Variants in CCNY observed in about 807,000 individuals in gnomAD.
CCNY encodes the protein cyclin Y.
Under a neutral mutation model 42.8 loss-of-function variants are expected in CCNY, and 19 were observed. That is an observed-to-expected ratio of 0.44 (90% confidence interval 0.31 to 0.65). CCNY has a LOEUF of 0.65. Ranked by LOEUF, CCNY falls within the 30% of genes least tolerant of loss-of-function variation. The probability of loss-of-function intolerance (pLI) is 0.07; values close to 1 mark genes in which losing one functional copy is unlikely to be tolerated. For missense variants in CCNY, 370 were observed against 437.3 expected (o/e 0.85, Z 1.37); for synonymous variants, 165 against 162.7 (o/e 1.01, Z -0.11).
chr10:35,363,994 A>C (rs1836757344), intron 1 of CCNY, among the ~76,000 whole-genome samples: 2 of 152,180 alleles, frequency 1.3e-5, no homozygotes, highest in Admixed American at 6.5e-5. Context: ...GCTCAATGTT[A>C]AGGGATATTT....
chr10:35,539,025 C>T (rs1840943259), intron 7 of CCNY, among the ~76,000 whole-genome samples: 1 of 152,174 alleles, frequency 6.6e-6, no homozygotes. Flanking sequence ...TTATCCTTTC[C>T]CCATTGAACT....
chr10:35,411,147 T>C (rs1204226114), intron 1 of CCNY, among the ~76,000 whole-genome samples: 2 of 152,156 alleles, frequency 1.3e-5, no homozygotes, highest in East Asian at 3.8e-4. Flanking sequence ...GTTTCTCAAA[T>C]CTGAAACACA....
intron 1 of CCNY, among the ~76,000 whole-genome samples, chr10:35,390,585 C>G (rs1272466468): frequency 6.6e-6 from 1 of 152,260 alleles, no homozygotes; most frequent in South Asian, 2.1e-4. Context: ...GCTCCCTTAC[C>G]TCTCCCTTAC....
chr10:35,358,562 G>C (rs905583713), intron 1 of CCNY, among the ~76,000 whole-genome samples: 3 of 152,220 alleles, frequency 2.0e-5, no homozygotes, highest in African/African-American at 7.2e-5. Context: ...ATTTGTAGCA[G>C]TAGTGAGTCG....
chr10:35,402,312 C>A (rs188704326), intron 1 of CCNY, among the ~76,000 whole-genome samples: 1 of 152,014 alleles, frequency 6.6e-6, no homozygotes, highest in East Asian at 1.9e-4. Context: ...ACACAAGGTC[C>A]GAATAAAAGA....
At chr10:35,398,698 T>C (rs1837578371) in intron 1 of CCNY, among the ~76,000 whole-genome samples, 1 of 152,070 alleles carries the variant, frequency 6.6e-6, no homozygotes, top group South Asian at 2.1e-4. Flanking sequence ...TCACTAGTTT[T>C]TGTCTAAAAA....
intron 7 of CCNY, among the ~76,000 whole-genome samples, chr10:35,548,473 T>C (rs1841166939): frequency 6.6e-6 from 1 of 151,482 alleles, no homozygotes; most frequent in African/African-American, 2.4e-5. Context: ...AATTTTTGTA[T>C]TTTTAGTAGA....
chr10:35,521,947 G>GA (rs1031707778), intron 4 of CCNY, among the ~76,000 whole-genome samples: 2 of 151,936 alleles, frequency 1.3e-5, no homozygotes, highest in Non-Finnish European at 2.9e-5. Context: ...AAAGAGACCA[G>GA]AAAAAAAGGG....
chr10:35,301,623 G>T (rs143700517), intron 3 of CCNY, among the ~76,000 whole-genome samples: 3 of 151,906 alleles, frequency 2.0e-5, no homozygotes, highest in Non-Finnish European at 4.4e-5. Flanking sequence ...TGTTTTCATC[G>T]CTGTCTTTTG....
rs1841673271 is a variant in CCNY, at chr10:35,570,915, G to C, written c.*1745G>C. 6.6e-6 allele frequency: 1 copy of C among 152,312 alleles called. No homozygotes were observed. The highest frequency in any genetic ancestry group is 2.1e-4 in the South Asian group (1 of 4,834). The allele number at this position is 152,312 out of a possible 1,614,324, so 9.4% of individuals were successfully genotyped here. A position where few individuals can be genotyped will look rare whatever the true frequency, so the allele number is the denominator to read the frequency against. On this transcript the variant is annotated 3_prime_UTR_variant, in exon 10 of 10. Transcript: ENST00000374704. The stretch of plus-strand genomic sequence containing the variant: ...GCCTTTCTGACCCAAACTTTCAAAA[G>C]CAAATAAACAGCATATAAAACGTTA...
chr10:35,471,604 G>A (rs1463323505), intron 1 of CCNY, among the ~76,000 whole-genome samples: 1 of 152,182 alleles, frequency 6.6e-6, no homozygotes, highest in Non-Finnish European at 1.5e-5. Flanking sequence ...TTTATCTTTA[G>A]TTTTGAATAA....
At chr10:35,496,650 T>G (rs974745606) in intron 2 of CCNY, among the ~76,000 whole-genome samples, 18 of 151,928 alleles carry the variant, frequency 1.2e-4, no homozygotes, top group African/African-American at 4.4e-4. Context: ...CTGGGCGACA[T>G]AGTGAGATCT....
At chr10:35,389,146 C>G (rs1564392801) in intron 1 of CCNY, among the ~76,000 whole-genome samples, 1 of 152,206 alleles carries the variant, frequency 6.6e-6, no homozygotes, top group African/African-American at 2.4e-5. Context: ...CTGCCTAGGA[C>G]AGGCTCTCTT....
intron 3 of CCNY, among the ~76,000 whole-genome samples, chr10:35,511,230 A>T (rs758643246): frequency 2.4e-4 from 37 of 152,210 alleles, no homozygotes; most frequent in Non-Finnish European, 4.7e-4. Context: ...TAGTCCCGGG[A>T]TGGAGCTGTT....
chr10:35,339,996 AT>A (rs1836137845), intron 1 of CCNY, among the ~76,000 whole-genome samples: 1 of 152,268 alleles, frequency 6.6e-6, no homozygotes, highest in Non-Finnish European at 1.5e-5. Flanking sequence ...AAATAAAAAA[AT>A]GATAGTAATA....
At position 35,247,411 on chromosome 10, in the gene CCNY, C is replaced by G. The variant is rs115998045; in HGVS notation, c.-217+281C>G. On this transcript the variant is annotated intron_variant, in intron 1 of 11. Coordinates refer to the CCNY transcript ENST00000374706. ...CAGTTCAAGAACAACATAGTGAGAC[C>G]CTGTGTCTACAAAAAGTTTAAAAAT... 9.2e-3 allele frequency among the ~76,000 whole-genome samples: 1,387 copies of G among 151,316 alleles called. 26 individuals are homozygous for G. Among genetic ancestry groups the G allele is most frequent in the African/African-American group, 0.032 (1,299 of 41,164 alleles).
rs747477417 is a variant in CCNY, at chr10:35,530,274, C to G, written c.579+31C>G. Reference sequence around the variant, plus strand: ...TGCCCTCAGGATGGCCACACCCATCCCCAGCCGAGGTGGTCCAGGGCCCGT... The same window carrying G: ...TGCCCTCAGGATGGCCACACCCATCGCCAGCCGAGGTGGTCCAGGGCCCGT... On this transcript the variant is annotated intron_variant, in intron 7 of 9. Transcript: ENST00000374704. The surrounding 1 kb of genome is among the most constrained non-coding windows in gnomAD (Gnocchi z 4.3). The G allele has an allele frequency of 1.2e-6, 2 of 1,613,558 alleles. No individual in the cohort carries two copies. Among genetic ancestry groups the G allele is most frequent in the South Asian group, 1.1e-5 (1 of 91,048 alleles).
At chr10:35,542,496 C>T (rs1841023677) in intron 7 of CCNY, among the ~76,000 whole-genome samples, 1 of 152,142 alleles carries the variant, frequency 6.6e-6, no homozygotes, top group South Asian at 2.1e-4. Context: ...TCTGTGCAAA[C>T]CACACGTATG....
At chr10:35,315,553 A>G (rs1835750098) in intron 3 of CCNY, 1 of 152,222 alleles carries the variant, frequency 6.6e-6, no homozygotes, top group Admixed American at 6.5e-5. Context: ...TTGTTATTAT[A>G]AAGAGTGCTG....
Sources: gnomAD v4.1 joint callset for allele counts (sites outside exome capture counted in the v4.1 genomes callset) on GRCh38, gnomAD v4.1.1 for gene constraint, Gnocchi (gnomAD v3.1) non-coding constraint, MANE v1.5 for transcripts, NCBI Gene and HGNC (gene_info 2026-07-23, HGNC 2026-07-21) for gene names.